NOL4: variants seen among roughly 807,000 people sequenced by gnomAD.
NOL4 encodes cancer/testis antigen 125.
Under a neutral mutation model 75.9 loss-of-function variants are expected in NOL4, and 17 were observed. That is an observed-to-expected ratio of 0.22 (90% CI 0.15 to 0.34). The LOEUF (loss-of-function observed/expected upper bound fraction) is 0.34. Among genes scored for constraint, NOL4 ranks in the 10% least tolerant of loss-of-function variants. The pLI is 1.00. For missense variants in NOL4, 614 were observed against 793.5 expected (o/e 0.77, Z 2.72); for synonymous variants, 292 against 289.9 (o/e 1.01, Z -0.07).
chr18:33,853,961 TAA>T (rs1356295253), intron 10 of NOL4, among the ~76,000 whole-genome samples: 1 of 152,168 alleles, frequency 6.6e-6, no homozygotes, highest in East Asian at 1.9e-4. Context: ...AATTATTCTT[TAA>T]GTGTTCACTT....
At chr18:34,064,147 C>T (rs1173984388) in intron 5 of NOL4, among the ~76,000 whole-genome samples, 3 of 151,958 alleles carry the variant, frequency 2.0e-5, no homozygotes, top group Non-Finnish European at 2.9e-5. Context: ...CATTCTGACT[C>T]GTTTATTGGT....
chr18:34,096,838 T>C (rs970648177), intron 4 of NOL4, among the ~76,000 whole-genome samples: 6 of 152,220 alleles, frequency 3.9e-5, no homozygotes, highest in African/African-American at 1.4e-4. Flanking sequence ...CACTTATTTA[T>C]TTCTCAAAAC....
chr18:33,995,205 T>C (rs1336363263), intron 6 of NOL4, among the ~76,000 whole-genome samples: 4 of 151,624 alleles, frequency 2.6e-5, no homozygotes, highest in Admixed American at 2.0e-4. Flanking sequence ...GACTATCAAT[T>C]ATTCACTCTT....
In NOL4 at chr18:33,997,883, A is replaced by C. The variant is rs191603140; in HGVS notation, c.1056+21435T>G. On this transcript the variant is annotated intron_variant, in intron 6 of 10. Coordinates refer to ENST00000261592, the MANE Select transcript of NOL4 (RefSeq NM_003787.5). ...CAAATGTCCATCAATTGATAAATAG[A>C]TAAGCAAAATTTGGTATTGTATAGC... Among the ~76,000 whole-genome samples the C allele has an allele frequency of 2.1e-3, 320 of 151,950 alleles. 5 individuals carry two copies. Among genetic ancestry groups the C allele is most frequent in the African/African-American group, 7.2e-3 (299 of 41,534 alleles).
intron 1 of NOL4, among the ~76,000 whole-genome samples, chr18:34,144,011 G>A (rs2146024488): frequency 6.6e-6 from 1 of 152,050 alleles, no homozygotes; most frequent in East Asian, 1.9e-4. Flanking sequence ...AGCTACCAGT[G>A]GGAAATCACT....
intron 1 of NOL4, among the ~76,000 whole-genome samples, chr18:34,201,331 CAG>C (rs2146485317): frequency 6.6e-6 from 1 of 151,770 alleles, no homozygotes; most frequent in Admixed American, 6.6e-5. Flanking sequence ...ATCTGAGGCA[CAG>C]AGACATTAAG....
chr18:33,912,404 T>C (rs2066463943), intron 9 of NOL4, among the ~76,000 whole-genome samples: 1 of 152,086 alleles, frequency 6.6e-6, no homozygotes, highest in Non-Finnish European at 1.5e-5. Context: ...TTTTCTAATA[T>C]AATATAGTTA....
intron 5 of NOL4, among the ~76,000 whole-genome samples, chr18:34,070,899 T>C (rs2077485260): frequency 6.6e-6 from 1 of 152,120 alleles, no homozygotes; most frequent in African/African-American, 2.4e-5. Flanking sequence ...AAGTGTAATA[T>C]ATAAAATCAA....
chr18:33,895,363 A>T (rs992778003), intron 9 of NOL4, among the ~76,000 whole-genome samples: 4 of 152,110 alleles, frequency 2.6e-5, no homozygotes, highest in African/African-American at 9.7e-5. Flanking sequence ...TTTAAATTAC[A>T]GGTTTAAATG....
chr18:34,152,646 C>G lies in NOL4; in HGVS notation c.265-22626G>C, dbSNP rs1466692602. Among the ~76,000 whole-genome samples, 22 of 151,842 alleles carry G rather than the reference C, an allele frequency of 1.4e-4. 1 individual carries two copies. The highest frequency in any genetic ancestry group is 1.4e-3 in the Admixed American group (22 of 15,202). ...CCTTATGGAACAAGAGTTTGTCCGACAGCAAACCTCTCAATAGTCACCAAG... is the reference window on the plus strand; with the variant it reads ...CCTTATGGAACAAGAGTTTGTCCGAGAGCAAACCTCTCAATAGTCACCAAG... On this transcript the variant is annotated intron_variant, in intron 1 of 10. Transcript: ENST00000261592.
At chr18:34,006,093 C>T in intron 6 of NOL4, among the ~76,000 whole-genome samples, 1 of 151,940 alleles carries the variant, frequency 6.6e-6, no homozygotes, top group South Asian at 2.1e-4. Flanking sequence ...ATTTCTCTTT[C>T]AGAAACAATT....
intron 6 of NOL4, among the ~76,000 whole-genome samples, chr18:34,017,236 C>G (rs2074749347): frequency 6.6e-6 from 1 of 152,046 alleles, no homozygotes; most frequent in African/African-American, 2.4e-5. Context: ...TTCTAAGAAA[C>G]TTTTCTATGT....
Position 33,952,662 on chromosome 18 carries a change from C to T in NOL4, c.1428+4664G>A, listed in dbSNP as rs182164810. 3.8e-3 allele frequency among the ~76,000 whole-genome samples: 586 copies of T among 152,278 alleles called. 11 individuals carry two copies. The highest frequency in any genetic ancestry group is 2.5e-3 in the Non-Finnish European group (170 of 68,010). On this transcript the variant is annotated intron_variant, in intron 8 of 10. Coordinates refer to ENST00000261592, the MANE Select transcript of NOL4 (RefSeq NM_003787.5). ...TTGTTCTGCCAGGTGTGGTGGCTCACGCCTGTAATCCCAGCACTTTGGGAG... is the reference window on the plus strand; with the variant it reads ...TTGTTCTGCCAGGTGTGGTGGCTCATGCCTGTAATCCCAGCACTTTGGGAG...
chr18:33,952,344 A>C (rs1002671951), intron 8 of NOL4, among the ~76,000 whole-genome samples: 1 of 152,228 alleles, frequency 6.6e-6, no homozygotes, highest in Non-Finnish European at 1.5e-5. Context: ...TGTCATAAAA[A>C]ATTAGTGAAC....
chr18:34,106,021 A>T (rs1377540294), intron 2 of NOL4, among the ~76,000 whole-genome samples: 2 of 152,108 alleles, frequency 1.3e-5, no homozygotes, highest in African/African-American at 2.4e-5. Context: ...GCTACTAAGA[A>T]GTCTGATGCC....
intron 5 of NOL4, among the ~76,000 whole-genome samples, chr18:34,035,581 G>A (rs1193771228): frequency 6.6e-6 from 1 of 150,982 alleles, no homozygotes; most frequent in Non-Finnish European, 1.5e-5. Flanking sequence ...TCAAGGAACT[G>A]GAAAAGCAAG....
chr18:34,215,684 G>A (rs904214917), intron 1 of NOL4, among the ~76,000 whole-genome samples: 1 of 152,168 alleles, frequency 6.6e-6, no homozygotes, highest in Non-Finnish European at 1.5e-5. Context: ...CTTAATTTGA[G>A]ATATTTTGGG....
chr18:34,005,396 A>T (rs918811390), intron 6 of NOL4, among the ~76,000 whole-genome samples: 1 of 151,944 alleles, frequency 6.6e-6, no homozygotes, highest in Non-Finnish European at 1.5e-5. Context: ...TCTTTCATAC[A>T]TTAGTGAAAG....
At chr18:33,922,861 C>G (rs1041028637) in intron 9 of NOL4, among the ~76,000 whole-genome samples, 2 of 152,052 alleles carry the variant, frequency 1.3e-5, no homozygotes, top group Non-Finnish European at 2.9e-5. Context: ...ATAACATAAA[C>G]CAAATGTACT....
Sources: gnomAD v4.1 joint callset for allele counts (sites outside exome capture counted in the v4.1 genomes callset) on GRCh38, gnomAD v4.1.1 for gene constraint, MANE v1.5 for transcripts, NCBI Gene and HGNC (gene_info 2026-07-23, HGNC 2026-07-21) for gene names.